The following CFH variants were observed in gnomAD, a reference collection of about 807,000 sequenced individuals.
The protein encoded by CFH is H factor 1 (complement).
In CFH, 53 loss-of-function variants were observed where a neutral mutation model predicts 147.3. That is an observed-to-expected ratio of 0.36 (90% CI 0.29 to 0.45). The LOEUF is 0.45. Among genes scored for constraint, CFH ranks in the 20% least tolerant of loss-of-function variants. The pLI is 1.00. For synonymous variants in CFH, 536 were observed against 489.4 expected (o/e 1.10, Z -1.26); for missense variants, 1,380 against 1,498.0 (o/e 0.92, Z 1.30).
chr1:196,714,699 A>AGAGAGAGAGAGAGG (rs1573054734), intron 10 of CFH, among the ~76,000 whole-genome samples: 1 of 121,260 alleles, frequency 8.2e-6, no homozygotes, highest in African/African-American at 3.2e-5. Context: ...AGAGAGAGAG[A>AGAGAGAGAGAGAGG]GAGAGAGAGA....
Position 196,690,044 on chromosome 1 carries a change from T to A in CFH, c.1160-19T>A, listed in dbSNP as rs1296247047. On this transcript the variant is annotated intron_variant, in intron 8 of 21. Coordinates refer to ENST00000367429, the MANE Select transcript of CFH (RefSeq NM_000186.4). The stretch of plus-strand genomic sequence containing the variant: ...GTTTCTCATTTACTTTATTTATTTA[T>A]CATTGTTATGGTCCTTAGGAAAATG... 3 of 1,590,424 alleles carry A rather than the reference T, an allele frequency of 1.9e-6. No homozygotes were observed. Among genetic ancestry groups the A allele is most frequent in the Admixed American group, 3.4e-5 (2 of 58,770 alleles).
At chr1:196,701,352 C>T (rs2149096369) in intron 9 of CFH, 1 of 1,613,670 alleles carries the variant, frequency 6.2e-7, no homozygotes, top group Non-Finnish European at 8.5e-7. Context: ...GAAGGTCATC[C>T]CTCTCCAGCT....
chr1:196,737,003 G>GCCA lies in CFH; in HGVS notation c.2593_2594insCCA (p.Val865delinsAlaIle). 6.2e-7 allele frequency: 1 copy of GCCA among 1,608,360 alleles called. No homozygotes were observed. The highest frequency in any genetic ancestry group is 8.5e-7 in the Non-Finnish European group (1 of 1,176,058). ...AAGATGGCAGTCAATACCACTCTGT[G>GCCA]TTGGTCAGTAGTGTATAATTTGTTT... On this transcript the variant is annotated protein_altering_variant, in exon 16 of 22. Coordinates refer to ENST00000367429, the MANE Select transcript of CFH (RefSeq NM_000186.4).
Position 196,685,197 on chromosome 1 carries a change from A to C in CFH, c.924A>C (p.Lys308Asn), listed in dbSNP as rs777630835. 2 of 1,613,026 alleles carry C rather than the reference A, an allele frequency of 1.2e-6. No homozygotes were observed. Among genetic ancestry groups the C allele is most frequent in the Non-Finnish European group, 1.7e-6 (2 of 1,179,302 alleles). The change falls in exon 7 of 22, where the codon AAA becomes AAC. Residue 308 changes from lysine (K) to asparagine (N), a missense_variant. Lys to Asn is a moderately conservative substitution (Grantham distance 94). Transcript: ENST00000367429. ...CTGCAACCCGGGGAAATACAGCAAA[A>C]TGCACAAGTACTGGCTGGATACCTG... is the stretch of plus-strand genomic sequence containing the variant. ...FYPATRGNTAKCTSTGWIPAP... is the reference protein window; with the variant it reads ...FYPATRGNTANCTSTGWIPAP...
chr1:196,699,194 G>A (rs1668378471), intron 9 of CFH, among the ~76,000 whole-genome samples: 1 of 151,440 alleles, frequency 6.6e-6, no homozygotes, highest in Admixed American at 6.6e-5. Flanking sequence ...GTGAGATCCA[G>A]TTGTTTCGCA....
rs1669155049 is a variant in CFH at position 196,726,898 on chromosome 1, A to G, written c.2194A>G (p.Thr732Ala). 1.9e-6 allele frequency: 3 copies of G among 1,613,710 alleles called. No homozygotes were observed. The highest frequency in any genetic ancestry group is 3.3e-5 in the Admixed American group (2 of 59,974). ...TACAATGATTGGACACAGATCAATT[A>G]CGTGTATTCATGGAGTATGGACCCA... The part of the protein sequence containing the change: ...SFTMIGHRSI[T>A]CIHGVWTQLP... Residue 732 changes from threonine (T) to alanine (A), a missense_variant, in exon 14 of 22, where the codon ACG (threonine) becomes GCG (alanine). Thr to Ala is a moderately conservative substitution (Grantham distance 58). Transcript: ENST00000367429.
chr1:196,663,845 T>G (rs967754749), intron 1 of CFH, among the ~76,000 whole-genome samples: 3 of 152,300 alleles, frequency 2.0e-5, no homozygotes, highest in Non-Finnish European at 4.4e-5. Flanking sequence ...GGTTTCCAAC[T>G]TTGAATTTTG....
chr1:196,653,083 G>A (rs1417204805), intron 1 of CFH, among the ~76,000 whole-genome samples: 2 of 151,558 alleles, frequency 1.3e-5, no homozygotes, highest in Non-Finnish European at 3.0e-5. Flanking sequence ...CCATTACATA[G>A]CCTCTAGGAA....
chr1:196,735,751 A>G (rs1279790250), intron 15 of CFH, among the ~76,000 whole-genome samples: 1 of 152,130 alleles, frequency 6.6e-6, no homozygotes, highest in Non-Finnish European at 1.5e-5. Flanking sequence ...AATGTTAAAA[A>G]CATGTCAAAA....
intron 1 of CFH, among the ~76,000 whole-genome samples, chr1:196,669,816 C>T (rs577332083): frequency 1.6e-4 from 25 of 152,186 alleles, no homozygotes; most frequent in South Asian, 1.2e-3. Context: ...AAGAGGGCCA[C>T]AGATCCTCCA....
chr1:196,740,294 TTA>T (rs1234077308), intron 17 of CFH, among the ~76,000 whole-genome samples: 1 of 152,244 alleles, frequency 6.6e-6, no homozygotes, highest in Admixed American at 6.5e-5. Context: ...CTACAATATA[TTA>T]TGTTTTACCT....
intron 9 of CFH, among the ~76,000 whole-genome samples, chr1:196,708,700 T>A (rs1332278964): frequency 6.6e-6 from 1 of 152,074 alleles, no homozygotes; most frequent in Non-Finnish European, 1.5e-5. Flanking sequence ...GATCAGACCC[T>A]CCTCTGTTAG....
At chr1:196,728,731 ACG>A (rs1447364581) in intron 15 of CFH, among the ~76,000 whole-genome samples, 17 of 138,114 alleles carry the variant, frequency 1.2e-4, no homozygotes, top group East Asian at 4.9e-4. Context: ...ACACACACAC[ACG>A]CACACACACA....
intron 15 of CFH, 43 bp downstream of exon 15, chr1:196,728,565 T>C (rs1305523837): frequency 1.3e-6 from 2 of 1,578,776 alleles, no homozygotes; most frequent in East Asian, 2.3e-5. Context: ...CTATTTCTCA[T>C]TTGGAAAAGT....
intron 1 of CFH, among the ~76,000 whole-genome samples, chr1:196,667,168 A>G (rs1406461446): frequency 6.6e-6 from 1 of 152,158 alleles, no homozygotes; most frequent in East Asian, 1.9e-4. Flanking sequence ...TTATGCAAAG[A>G]GGCATGCTGG....
intron 14 of CFH, 144 bp from the exon 15 acceptor site, chr1:196,728,201 TC>T (rs1669192654): frequency 1.7e-6 from 1 of 576,806 alleles, no homozygotes; most frequent in South Asian, 2.9e-5. Context: ...TGCAATGTGA[TC>T]AGGAATAACT....
intron 6 of CFH, among the ~76,000 whole-genome samples, chr1:196,684,635 C>T (rs1244911337): frequency 6.6e-6 from 1 of 151,980 alleles, no homozygotes; most frequent in East Asian, 1.9e-4. Flanking sequence ...TACGCAATCA[C>T]ATGGCCACAG....
At position 196,694,624 on chromosome 1, in the gene CFH, G is replaced by A. The variant is rs1055581073; in HGVS notation, c.1336+4385G>A. ...GAACTAATTTACACTCCCACCAACAGAGTAAAACTTTCCTATTTCTCCGCA... is the reference window on the plus strand; with the variant it reads ...GAACTAATTTACACTCCCACCAACAAAGTAAAACTTTCCTATTTCTCCGCA... On this transcript the variant is annotated intron_variant, in intron 9 of 21. Coordinates refer to ENST00000367429, the MANE Select transcript of CFH (RefSeq NM_000186.4). 3.3e-5 allele frequency among the ~76,000 whole-genome samples: 5 copies of A among 152,176 alleles called. No individual in the cohort carries two copies. The South Asian group carries it at 1.0e-3, about 31-fold the overall frequency.
At chr1:196,680,840 A>G (rs1488079249) in intron 6 of CFH, among the ~76,000 whole-genome samples, 5 of 151,962 alleles carry the variant, frequency 3.3e-5, no homozygotes, top group Non-Finnish European at 7.4e-5. Flanking sequence ...TACACTAAAA[A>G]AATTTTGGTT....
Sources: allele counts gnomAD v4.1 joint callset (sites outside exome capture counted in the v4.1 genomes callset), GRCh38; gene constraint gnomAD v4.1.1; transcripts MANE v1.5; gene names NCBI Gene and HGNC (gene_info 2026-07-23, HGNC 2026-07-21).